The following CKMT2 variants were observed in gnomAD, a reference collection of about 807,000 sequenced individuals.
The protein encoded by CKMT2 is creatine kinase, mitochondrial 2, also known as creatine kinase S-type, mitochondrial.
In CKMT2, 43 loss-of-function variants were observed where a neutral mutation model predicts 48.9. The observed-to-expected ratio is 0.88, with a 90% CI of 0.69 to 1.13. The LOEUF is 1.13. CKMT2 is among the 50% of genes most tolerant of loss of function. The pLI is 0.00. For missense variants in CKMT2, 472 were observed against 555.4 expected (o/e 0.85, Z 1.51); for synonymous variants, 206 against 213.0 (o/e 0.97, Z 0.29).
chr5:81,241,687 C>T (rs1756440811), intron 1 of CKMT2, among the ~76,000 whole-genome samples: 1 of 152,238 alleles, frequency 6.6e-6, no homozygotes, highest in African/African-American at 2.4e-5. Context: ...AGTCCTCTTA[C>T]TTTAGTTCGA....
intron 8 of CKMT2, among the ~76,000 whole-genome samples, chr5:81,263,180 TG>T (rs1274194473): frequency 2.4e-4 from 14 of 57,798 alleles, no homozygotes; most frequent in African/African-American, 9.1e-4. Context: ...AGTTGGGGGG[TG>T]GGGGTTTGGG....
chr5:81,250,940 AAC>A (rs142418532), intron 1 of CKMT2, among the ~76,000 whole-genome samples, 171 bp from the exon 2 acceptor site: 10,208 of 132,960 alleles, frequency 0.077, 436 homozygotes, highest in Admixed American at 0.14. Flanking sequence ...AGAAATAGAA[AAC>A]ACACACACAC....
At chr5:81,243,542 C>T (rs184090931) in intron 1 of CKMT2, among the ~76,000 whole-genome samples, 2 of 152,140 alleles carry the variant, frequency 1.3e-5, no homozygotes, top group Admixed American at 6.5e-5. Context: ...GTAGGATATA[C>T]ATGTGTGTTT....
At position 81,266,104 on chromosome 5, in the gene CKMT2, T is replaced by C. The variant is rs367898473; in HGVS notation, c.1141-35T>C. The C allele has an allele frequency of 4.4e-6, 7 of 1,605,796 alleles. No individual in the cohort carries two copies. The African/African-American group carries it at 9.4e-5, about 21-fold the overall frequency. Reference sequence around the variant, plus strand: ...AATCAATGCCCTGCAGATGCTTCTATTCAAATTAATCATTCATCTTCTTCA... The same window carrying C: ...AATCAATGCCCTGCAGATGCTTCTACTCAAATTAATCATTCATCTTCTTCA... On this transcript the variant is annotated intron_variant, in intron 9 of 9. Transcript: ENST00000254035.
intron 3 of CKMT2, among the ~76,000 whole-genome samples, chr5:81,253,484 G>C (rs1312591726): frequency 6.6e-6 from 1 of 152,200 alleles, no homozygotes; most frequent in Non-Finnish European, 1.5e-5. Flanking sequence ...CAGCCACTAT[G>C]CGTCCCCTCC....
chr5:81,243,524 A>T (rs899307457), intron 1 of CKMT2, among the ~76,000 whole-genome samples: 6 of 152,222 alleles, frequency 3.9e-5, no homozygotes, highest in African/African-American at 1.4e-4. Flanking sequence ...TAGAATAGAG[A>T]TACAAATGTA....
intron 2 of CKMT2, among the ~76,000 whole-genome samples, chr5:81,252,472 C>T (rs1255325711): frequency 6.6e-6 from 1 of 152,210 alleles, no homozygotes; most frequent in African/African-American, 2.4e-5. Context: ...GTTTCAACAG[C>T]CAGGGACTGT....
At chr5:81,239,889 C>T (rs1402202124) in intron 1 of CKMT2, among the ~76,000 whole-genome samples, 1 of 152,180 alleles carries the variant, frequency 6.6e-6, no homozygotes, top group African/African-American at 2.4e-5. Flanking sequence ...CCTTTCTCTC[C>T]CTGCATCTGC....
intron 7 of CKMT2, 23 bp downstream of exon 7, chr5:81,257,879 T>G: frequency 6.3e-7 from 1 of 1,596,884 alleles, no homozygotes; most frequent in Non-Finnish European, 8.5e-7. Flanking sequence ...CTGAGATTTC[T>G]GGATATTTAT....
chr5:81,256,648 A>G (rs1264593316), intron 5 of CKMT2, among the ~76,000 whole-genome samples: 1 of 152,210 alleles, frequency 6.6e-6, no homozygotes, highest in African/African-American at 2.4e-5. Flanking sequence ...GGACTAACCC[A>G]GTGTTTTTCA....
rs771554714 is a variant in CKMT2, at chr5:81,259,269, C to A, written c.1014+15C>A. On this transcript the variant is annotated intron_variant, in intron 8 of 9. Transcript: ENST00000254035. Reference sequence around the variant, plus strand: ...AGCTCAGCAAGGTACTGTTATGTGCCCAGTGGCCCTGATGGGCCAGGATCA... The same window carrying A: ...AGCTCAGCAAGGTACTGTTATGTGCACAGTGGCCCTGATGGGCCAGGATCA... 3.2e-5 allele frequency: 51 copies of A among 1,609,000 alleles called. No homozygotes were observed. Among genetic ancestry groups the A allele is most frequent in the Non-Finnish European group, 4.2e-5 (50 of 1,177,644 alleles).
chr5:81,241,521 T>C (rs1023444047), intron 1 of CKMT2, among the ~76,000 whole-genome samples: 1 of 152,060 alleles, frequency 6.6e-6, no homozygotes, highest in African/African-American at 2.4e-5. Flanking sequence ...GGGCAGTGGG[T>C]AGTAGTTTCA....
intron 7 of CKMT2, 85 bp from the exon 8 acceptor site, chr5:81,259,035 C>T (rs1228535981): frequency 1.6e-5 from 21 of 1,322,402 alleles, no homozygotes; most frequent in Non-Finnish European, 2.0e-5. Flanking sequence ...GGAGGGTACA[C>T]ATCTCTCTCT....
In CKMT2 at chr5:81,266,162, C is replaced by T. The variant is rs139930444; in HGVS notation, c.1164C>T (p.Ile388=). 15 of 1,612,314 alleles carry T rather than the reference C, an allele frequency of 9.3e-6. No individual in the cohort carries two copies. The highest frequency in any genetic ancestry group is 1.7e-5 in the Admixed American group (1 of 60,018). ...AGGTTGAGCTTGTTCAGATAGTCATCGATGGAGTCAATTACCTGGTGGATT... is the reference window on the plus strand; with the variant it reads ...AGGTTGAGCTTGTTCAGATAGTCATTGATGGAGTCAATTACCTGGTGGATT... The part of the protein sequence containing the change: ...RSEVELVQIV[I]DGVNYLVDCE... Residue 388 remains isoleucine, a synonymous_variant, in exon 10 of 10, where the codon ATC becomes ATT. Coordinates refer to ENST00000254035, the MANE Select transcript of CKMT2 (RefSeq NM_001099735.2).
At chr5:81,243,588 G>A (rs773945836) in intron 1 of CKMT2, among the ~76,000 whole-genome samples, 1 of 152,170 alleles carries the variant, frequency 6.6e-6, no homozygotes, top group African/African-American at 2.4e-5. Flanking sequence ...TAGTGCAATG[G>A]AGCTGAATGT....
chr5:81,243,977 G>C, intron 1 of CKMT2: 1 of 958,390 alleles, frequency 1.0e-6, no homozygotes, highest in Non-Finnish European at 1.2e-6. Context: ...ACAGGCATAA[G>C]CCACCATGCC....
At position 81,257,141 on chromosome 5, in the gene CKMT2, AGTGTGTGTGTGTGTGT is replaced by A. The variant is rs3830407; in HGVS notation, c.755+168_755+183del. The A allele has an allele frequency of 2.3e-3, 1,143 of 498,712 alleles. 1 individual carries two copies. The highest frequency in any genetic ancestry group is 0.012 in the East Asian group (338 of 29,066). The allele number at this position is 498,712 out of a possible 1,614,324, so 30.9% of individuals were successfully genotyped here. On this transcript the variant is annotated intron_variant, in intron 6 of 9. Coordinates refer to ENST00000254035, the MANE Select transcript of CKMT2 (RefSeq NM_001099735.2). ...CTAAATGGAAAAAGACTACTTGGAA[AGTGTGTGTGTGTGTGT>A]GTGTGTGTGTGTGTGTGTGTGTGTG...
At chr5:81,239,560 TTCA>T (rs1051573832) in intron 1 of CKMT2, among the ~76,000 whole-genome samples, 4 of 152,292 alleles carry the variant, frequency 2.6e-5, no homozygotes, top group African/African-American at 7.2e-5. Context: ...CAGGGGTCTA[TTCA>T]TCGTTTCCAC....
chr5:81,254,297 C>A, intron 3 of CKMT2, 99 bp from the exon 4 acceptor site: 1 of 938,324 alleles, frequency 1.1e-6, no homozygotes, highest in Non-Finnish European at 1.7e-6. Flanking sequence ...AGGAGGGCAT[C>A]AACTTTGGCT....
Sources: gnomAD v4.1 joint callset for allele counts (sites outside exome capture counted in the v4.1 genomes callset) on GRCh38, gnomAD v4.1.1 for gene constraint, MANE v1.5 for transcripts, NCBI Gene and HGNC (gene_info 2026-07-23, HGNC 2026-07-21) for gene names.